The following USP34 variants were observed in gnomAD, a reference collection of about 807,000 sequenced individuals.
The protein encoded by USP34 is ubiquitin carboxyl-terminal hydrolase 34.
In USP34, 70 loss-of-function variants were observed where a neutral mutation model predicts 460.3. The ratio of observed to expected loss-of-function variants is 0.15; its 90% CI spans 0.13 to 0.19. The LOEUF is 0.19. Ranked by LOEUF, USP34 falls within the 10% of genes least tolerant of loss-of-function variation. The pLI is 1.00. For missense variants in USP34, 3,985 were observed against 4,236.2 expected (o/e 0.94, Z 1.65); for synonymous variants, 1,647 against 1,405.3 (o/e 1.17, Z -3.85).
rs1177273958 is a variant in USP34 at position 61,214,128 on chromosome 2, G to C, written c.8614C>G (p.Leu2872Val). The change falls in exon 68 of 80, where the codon CTG becomes GTG. Residue 2872 changes from leucine (L) to valine (V), a missense_variant. Coordinates refer to ENST00000398571, the MANE Select transcript of USP34 (RefSeq NM_014709.4). ...CACTGGATGTTCTGGTGAGAAGCCA[G>C]TTGTCGTGTGAATGCAGGAGACTGC... ...CEQSPAFTRQLASHQNIQWAF... is the reference protein window; with the variant it reads ...CEQSPAFTRQVASHQNIQWAF... The C allele has an allele frequency of 6.2e-7, 1 of 1,614,250 alleles. No individual in the cohort carries two copies. The highest frequency in any genetic ancestry group is 1.7e-5 in the Admixed American group (1 of 60,030).
At chr2:61,317,807 T>C (rs1250417396) in intron 22 of USP34, 40 bp from the exon 23 acceptor site, 2 of 1,451,108 alleles carry the variant, frequency 1.4e-6, no homozygotes, top group Non-Finnish European at 1.9e-6. Flanking sequence ...TAATTTAGTG[T>C]GGTAATTCAC....
At chr2:61,394,767 ACCTT>A (rs775398524) in intron 5 of USP34, 82 bp downstream of exon 5, 67 of 1,128,542 alleles carry the variant, frequency 5.9e-5, no homozygotes, top group Non-Finnish European at 7.6e-5. Context: ...ATCATTCAAA[ACCTT>A]CCTTTTCAGA....
intron 75 of USP34, chr2:61,200,905 TTTTAGGAAAC>T (rs1355361311): frequency 6.6e-6 from 1 of 152,146 alleles, no homozygotes; most frequent in Non-Finnish European, 1.5e-5. Flanking sequence ...ATAGGATTGT[TTTTAGGAAAC>T]AATAGGAAAG....
At chr2:61,396,376 C>T (rs926718534) in intron 3 of USP34, among the ~76,000 whole-genome samples, 2 of 152,120 alleles carry the variant, frequency 1.3e-5, no homozygotes, top group African/African-American at 2.4e-5. Flanking sequence ...TTCTAAGGAA[C>T]TAATCATACT....
At chr2:61,194,112 A>G (rs1005071741) in intron 75 of USP34, 1 of 985,332 alleles carries the variant, frequency 1.0e-6, no homozygotes, top group Non-Finnish European at 1.2e-6. Flanking sequence ...GGTTAGACCA[A>G]GGACTTGAGA....
chr2:61,375,490 C>T (rs980007470), intron 8 of USP34, among the ~76,000 whole-genome samples: 6 of 152,054 alleles, frequency 3.9e-5, no homozygotes, highest in Admixed American at 6.6e-5. Context: ...TAGAAACAGG[C>T]GGGGCGCGGT....
chr2:61,463,430 T>C lies in USP34; in HGVS notation c.43+7220A>G, dbSNP rs570893469. On this transcript the variant is annotated intron_variant, in intron 1 of 79. Transcript: ENST00000398571. The stretch of plus-strand genomic sequence containing the variant: ...ATTCCTACTACAATTATCACAGAAA[T>C]TTGTCTGAATTTTTGAAGATACATA... Among the ~76,000 whole-genome samples, 13 of 152,306 alleles carry C rather than the reference T, an allele frequency of 8.5e-5. No individual in the cohort carries two copies. The East Asian group carries it at 2.5e-3, about 29-fold the overall frequency.
chr2:61,250,965 C>T (rs532592415), intron 48 of USP34, among the ~76,000 whole-genome samples: 2 of 152,152 alleles, frequency 1.3e-5, no homozygotes, highest in East Asian at 1.9e-4. Flanking sequence ...AGTGAAACCC[C>T]GTGTCTACTA....
chr2:61,322,397 T>C (rs956803199), intron 21 of USP34, among the ~76,000 whole-genome samples: 12 of 152,136 alleles, frequency 7.9e-5, no homozygotes, highest in Non-Finnish European at 1.5e-5. Flanking sequence ...TATTAAAGGA[T>C]GCCCCAGTGT....
At chr2:61,190,135 CTTGT>C (rs1320354977) in intron 78 of USP34, 132 bp downstream of exon 78, 1 of 1,244,408 alleles carries the variant, frequency 8.0e-7, no homozygotes, top group African/African-American at 1.5e-5. Flanking sequence ...GTATTTAAAA[CTTGT>C]TTTTTTGTCG....
intron 1 of USP34, among the ~76,000 whole-genome samples, chr2:61,447,791 C>T (rs1695161825): frequency 6.6e-6 from 1 of 152,168 alleles, no homozygotes; most frequent in Admixed American, 6.5e-5. Flanking sequence ...TCTCGGCTTG[C>T]TGCAACCTCC....
At chr2:61,439,509 C>T (rs1042874312) in intron 1 of USP34, among the ~76,000 whole-genome samples, 1 of 152,146 alleles carries the variant, frequency 6.6e-6, no homozygotes, top group African/African-American at 2.4e-5. Context: ...CTTGGAAGGC[C>T]CAGTGCCCAG....
At chr2:61,315,069 C>A in intron 23 of USP34, 95 bp from the exon 24 acceptor site, 1 of 832,856 alleles carries the variant, frequency 1.2e-6, no homozygotes, top group Non-Finnish European at 1.9e-6. Context: ...ATAGGCAACT[C>A]CTATTATTCA....
chr2:61,302,150 G>T (rs545559548), intron 27 of USP34, among the ~76,000 whole-genome samples: 3 of 152,088 alleles, frequency 2.0e-5, no homozygotes, highest in Non-Finnish European at 4.4e-5. Flanking sequence ...AAAATGATTA[G>T]AGCAGGAAAA....
chr2:61,220,228 G>A (rs961943358), intron 67 of USP34, 82 bp downstream of exon 67: 1 of 1,105,078 alleles, frequency 9.0e-7, no homozygotes, highest in Non-Finnish European at 1.2e-6. Context: ...CAATGGGCAT[G>A]TCGTAGTTGC....
intron 2 of USP34, among the ~76,000 whole-genome samples, chr2:61,419,384 G>A (rs955136143): frequency 2.1e-5 from 3 of 145,924 alleles, no homozygotes; most frequent in African/African-American, 7.6e-5. Context: ...GTGGTTTGGA[G>A]GCAAACACTT....
intron 5 of USP34, among the ~76,000 whole-genome samples, chr2:61,385,808 A>C (rs1247013516): frequency 1.3e-5 from 2 of 151,786 alleles, no homozygotes; most frequent in Non-Finnish European, 2.9e-5. Context: ...AGCTTGGCCA[A>C]CATGGTGAAA....
intron 70 of USP34, 118 bp downstream of exon 70, chr2:61,208,781 T>C: frequency 1.7e-6 from 1 of 585,284 alleles, no homozygotes; most frequent in African/African-American, 1.9e-5. Flanking sequence ...ATCTATATAA[T>C]TAAAACCTTG....
At chr2:61,292,243 GA>G (rs112608494) in intron 33 of USP34, among the ~76,000 whole-genome samples, 9 of 147,822 alleles carry the variant, frequency 6.1e-5, no homozygotes, top group Non-Finnish European at 7.5e-5. Flanking sequence ...ATTTGAAAAG[GA>G]AAAAAAAAAT....
Sources: allele counts gnomAD v4.1 joint callset (sites outside exome capture counted in the v4.1 genomes callset), GRCh38; gene constraint gnomAD v4.1.1; transcripts MANE v1.5; gene names NCBI Gene and HGNC (gene_info 2026-07-23, HGNC 2026-07-21).